The following LRRD1 variants were observed in gnomAD, a reference collection of about 807,000 sequenced individuals.
The protein encoded by LRRD1 is leucine-rich repeat and death domain-containing protein 1.
A neutral mutation model predicts 69.5 loss-of-function variants in LRRD1; 49 were observed. The ratio of observed to expected loss-of-function variants is 0.70; its 90% CI spans 0.56 to 0.89. The LOEUF is 0.89. Ranked by LOEUF, LRRD1 falls within the 40% of genes least tolerant of loss-of-function variation. The pLI is 0.00. For synonymous variants in LRRD1, 303 were observed against 338.9 expected (o/e 0.89, Z 1.16); for missense variants, 853 against 956.0 (o/e 0.89, Z 1.42).
rs373430515 is a variant in LRRD1, at chr7:92,159,184, T to C, written c.1937A>G (p.Glu646Gly). 91 of 1,514,438 alleles carry C rather than the reference T, an allele frequency of 6.0e-5. No homozygotes were observed. The African/African-American group carries it at 1.0e-3, about 17-fold the overall frequency. The allele number at this position is 1,514,438 out of a possible 1,614,324, so 93.8% of individuals were successfully genotyped here. Residue 646 changes from glutamate to glycine, a missense_variant, in exon 3 of 6, where the codon GAG becomes GGG. By Grantham distance (98) the Glu-to-Gly change is moderately conservative (BLOSUM62 -2). This residue lies in a region of LRRD1 where 739 missense variants were observed against 808.0 expected (regional missense o/e 0.91). Transcript: ENST00000458448. ...KGRKLTRLPGELSNMTQLKEL... is the reference protein window; with the variant it reads ...KGRKLTRLPGGLSNMTQLKEL... ...TTTAAGTTGAGTCATATTAGATAGC[T>C]CTCCTGGAAGTCTTGTTAGCTGTAA...
chr7:92,166,686 C>A lies in LRRD1; in HGVS notation c.-74-1410G>T, dbSNP rs1190950941. Among the ~76,000 whole-genome samples the A allele has an allele frequency of 2.0e-5, 3 of 152,182 alleles. No homozygotes were observed. The East Asian group carries it at 5.8e-4, about 29-fold the overall frequency. On this transcript the variant is annotated intron_variant, in intron 1 of 5. Transcript: ENST00000458448. ...CATTAAGAGATTAAAGAAGAAAATC[C>A]CATGTAAATATTGCAATAGATGTAG...
At chr7:92,150,742 A>C in intron 3 of LRRD1, 47 bp from the exon 4 acceptor site, 1 of 1,335,704 alleles carries the variant, frequency 7.5e-7, no homozygotes. Flanking sequence ...TATAAAAGAA[A>C]ACTATGGAGA....
At chr7:92,147,375 A>C (rs1374262030) in intron 4 of LRRD1, among the ~76,000 whole-genome samples, 4 of 152,142 alleles carry the variant, frequency 2.6e-5, no homozygotes, top group Non-Finnish European at 5.9e-5. Context: ...GCCTATTTAT[A>C]AGCAACTTTA....
chr7:92,167,401 T>TA (rs888595037), intron 1 of LRRD1, among the ~76,000 whole-genome samples: 2 of 151,896 alleles, frequency 1.3e-5, no homozygotes, highest in African/African-American at 4.8e-5. Flanking sequence ...TTAGTTTTGG[T>TA]AATTGCACTA....
At chr7:92,177,352 T>C (rs941343441) in intron 1 of LRRD1, among the ~76,000 whole-genome samples, 2 of 152,220 alleles carry the variant, frequency 1.3e-5, no homozygotes, top group Non-Finnish European at 2.9e-5. Context: ...GGATAATGCA[T>C]TCCCTGAAGG....
Position 92,159,167 on chromosome 7 carries a change from G to A in LRRD1, c.1954C>T (p.Gln652Ter), listed in dbSNP as rs755545472. The A allele has an allele frequency of 1.3e-6, 2 of 1,536,808 alleles. No individual in the cohort carries two copies. Among genetic ancestry groups the A allele is most frequent in the Admixed American group, 4.2e-5 (2 of 47,428 alleles). The change falls in exon 3 of 6, where the codon CAA becomes TAA. Residue 652 changes from glutamine to a stop codon, truncating the protein, a stop_gained. Transcript: ENST00000458448. LOFTEE classifies it high-confidence loss of function. ...TTTGAGATATCAAGTTCTTTAAGTTGAGTCATATTAGATAGCTCTCCTGGA... is the reference window on the plus strand; with the variant it reads ...TTTGAGATATCAAGTTCTTTAAGTTAAGTCATATTAGATAGCTCTCCTGGA... ...RLPGELSNMT[Q>*]LKELDISNNA...
chr7:92,168,567 T>C (rs1788976064), intron 1 of LRRD1, among the ~76,000 whole-genome samples: 1 of 150,028 alleles, frequency 6.7e-6, no homozygotes, highest in Non-Finnish European at 1.5e-5. Context: ...ATGTACCCCA[T>C]CCAGAATGCG....
chr7:92,165,467 T>C (rs890300192), intron 1 of LRRD1, among the ~76,000 whole-genome samples, 191 bp from the exon 2 acceptor site: 8 of 152,188 alleles, frequency 5.3e-5, no homozygotes, highest in Admixed American at 4.6e-4. Context: ...CACATGTTAC[T>C]CTTGAAATCA....
chr7:92,155,745 C>T (rs1788641344), intron 3 of LRRD1, among the ~76,000 whole-genome samples: 1 of 152,148 alleles, frequency 6.6e-6, no homozygotes, highest in African/African-American at 2.4e-5. Context: ...GTAGGGAAGC[C>T]AATAGTGCAG....
At chr7:92,143,585 T>C (rs1820230694), downstream of LRRD1, among the ~76,000 whole-genome samples, 1 of 152,092 alleles carries the variant, frequency 6.6e-6, no homozygotes, top group Admixed American at 6.5e-5. Context: ...AGCCCCTCAC[T>C]GTCCAGGCCG....
intron 2 of LRRD1, 78 bp from the exon 3 acceptor site, chr7:92,159,281 TG>T: frequency 9.9e-7 from 1 of 1,005,850 alleles, no homozygotes; most frequent in South Asian, 2.2e-5. Flanking sequence ...TAAAATCAAA[TG>T]AAAGAGTTTT....
downstream of LRRD1, chr7:92,143,023 A>G (rs1820204413): frequency 4.4e-6 from 1 of 227,410 alleles, no homozygotes; most frequent in African/African-American, 2.3e-5. Context: ...TGATTGGTCC[A>G]TTTTACAGAG....
intron 3 of LRRD1, among the ~76,000 whole-genome samples, chr7:92,157,160 A>T (rs1788677993): frequency 6.6e-6 from 1 of 151,168 alleles, no homozygotes; most frequent in South Asian, 2.1e-4. Flanking sequence ...TCTCCCAAGT[A>T]GCTGGGATTA....
At chr7:92,146,821 C>T (rs928606070) in intron 4 of LRRD1, among the ~76,000 whole-genome samples, 4 of 150,134 alleles carry the variant, frequency 2.7e-5, no homozygotes, top group African/African-American at 9.8e-5. Context: ...ACTCGGGAGG[C>T]TGAGGTAGGA....
intron 1 of LRRD1, among the ~76,000 whole-genome samples, chr7:92,165,530 CA>C (rs1323423075): frequency 7.2e-5 from 11 of 151,840 alleles, no homozygotes; most frequent in Non-Finnish European, 1.6e-4. Context: ...AGAAAAAAGC[CA>C]TAAGGGACTG....
chr7:92,162,557 T>C (rs1283373442), intron 2 of LRRD1, among the ~76,000 whole-genome samples: 1 of 152,232 alleles, frequency 6.6e-6, no homozygotes, highest in African/African-American at 2.4e-5. Context: ...TAAGATAAAA[T>C]GCTAAGCTCT....
chr7:92,151,094 TA>T (rs1191744446), intron 3 of LRRD1, among the ~76,000 whole-genome samples: 1 of 152,252 alleles, frequency 6.6e-6, no homozygotes, highest in Non-Finnish European at 1.5e-5. Flanking sequence ...ATTATCATAT[TA>T]CATTTGTTTA....
Position 92,164,844 on chromosome 7 carries a change from T to C in LRRD1, c.359A>G (p.Glu120Gly), listed in dbSNP as rs1788870831. The change falls in exon 2 of 6, where the codon GAA becomes GGA. Residue 120 changes from glutamate (E) to glycine (G), a missense_variant. Glu to Gly is a moderately conservative substitution (Grantham distance 98, BLOSUM62 -2). Coordinates refer to ENST00000458448, the MANE Select transcript of LRRD1 (RefSeq NM_001161528.2). ...YQALVNFLSH[E>G]TVGEVSPQVS... ...TTGTGGACTAACTTCTCCTACTGTT[T>C]CATGAGATAGGAAGTTAACCAAAGC... The C allele has an allele frequency of 6.4e-7, 1 of 1,551,520 alleles. No individual in the cohort carries two copies. The highest frequency in any genetic ancestry group is 1.4e-5 in the African/African-American group (1 of 73,044).
Position 92,164,693 on chromosome 7 carries a change from A to C in LRRD1, c.510T>G (p.Tyr170Ter). Residue 170 changes from tyrosine to a stop codon, truncating the protein, a stop_gained, in exon 2 of 6, where the codon TAT becomes TAG. Transcript: ENST00000458448. LOFTEE classifies it high-confidence loss of function. Reference protein sequence around the residue: ...ILKIKYVKYLYLDKNQIKTFQ... With the variant: ...ILKIKYVKYL ...ATGTTTTGATTTGATTCTTGTCTAA[A>C]TATAGATATTTTACATATTTGATTT... 1 of 1,550,972 alleles carries C rather than the reference A, an allele frequency of 6.4e-7. No homozygotes were observed. The highest frequency in any genetic ancestry group is 8.7e-7 in the Non-Finnish European group (1 of 1,146,566).
Sources: allele counts gnomAD v4.1 joint callset (sites outside exome capture counted in the v4.1 genomes callset), GRCh38; gene constraint gnomAD v4.1.1; regional missense constraint gnomAD v4.1.1; transcripts MANE v1.5; gene names NCBI Gene and HGNC (gene_info 2026-07-23, HGNC 2026-07-21).